NELL2: variants seen among roughly 807,000 people sequenced by gnomAD.
NELL2 encodes protein kinase C-binding protein NELL2.
NELL2 carries 41 observed loss-of-function variants against 109.6 expected under a neutral mutation model. The ratio of observed to expected loss-of-function variants is 0.37; its 90% CI spans 0.29 to 0.49. The LOEUF is 0.49. Among genes scored for constraint, NELL2 ranks in the 20% least tolerant of loss-of-function variants. The pLI, the probability that NELL2 is intolerant of heterozygous loss-of-function variation, is 0.98. For synonymous variants in NELL2, 355 were observed against 344.7 expected, an observed-to-expected ratio of 1.03 and a Z score of -0.33; for missense variants, 900 against 1,008.3, an observed-to-expected ratio of 0.89 and a Z score of 1.45.
chr12:44,912,639 T>C (rs954791582), intron 1 of NELL2, among the ~76,000 whole-genome samples: 6 of 152,176 alleles, frequency 3.9e-5, no homozygotes, highest in African/African-American at 1.4e-4. Context: ...ATTTATTTAT[T>C]CTTCCACCTA....
chr12:44,753,012 G>A (rs529989865), intron 9 of NELL2, among the ~76,000 whole-genome samples: 5 of 152,138 alleles, frequency 3.3e-5, no homozygotes, highest in East Asian at 1.9e-4. Context: ...ACCCTTGGAC[G>A]CTGCAACCCT....
At chr12:44,834,062 C>G (rs1259518867) in intron 2 of NELL2, among the ~76,000 whole-genome samples, 2 of 152,160 alleles carry the variant, frequency 1.3e-5, no homozygotes, top group African/African-American at 4.8e-5. Context: ...ATTTCCACCT[C>G]AATACCACAC....
intron 11 of NELL2, among the ~76,000 whole-genome samples, chr12:44,708,568 C>G (rs796905332): frequency 3.6e-4 from 55 of 152,232 alleles, no homozygotes; most frequent in African/African-American, 1.3e-3. Flanking sequence ...AAAATTTAAG[C>G]CTTGAAAACT....
intron 15 of NELL2, among the ~76,000 whole-genome samples, chr12:44,558,099 G>A (rs1374186197): frequency 1.3e-5 from 2 of 152,134 alleles, no homozygotes; most frequent in Non-Finnish European, 2.9e-5. Flanking sequence ...GGCTACGTTG[G>A]TATTTTGAGA....
intron 14 of NELL2, among the ~76,000 whole-genome samples, chr12:44,609,729 A>G (rs1324620587): frequency 6.6e-6 from 1 of 152,022 alleles, no homozygotes; most frequent in African/African-American, 2.4e-5. Flanking sequence ...TGGCCTACCC[A>G]TCTCTGGCTA....
intron 1 of NELL2, among the ~76,000 whole-genome samples, chr12:44,907,139 G>C (rs987696939): frequency 6.6e-6 from 1 of 152,080 alleles, no homozygotes; most frequent in Non-Finnish European, 1.5e-5. Context: ...TGCCATGATT[G>C]TAAGTTTCCT....
chr12:44,520,871 G>A (rs1941493956), intron 18 of NELL2, among the ~76,000 whole-genome samples: 1 of 152,114 alleles, frequency 6.6e-6, no homozygotes. Flanking sequence ...GAATCTCATG[G>A]TTTGGGAGAT....
At chr12:44,584,888 A>G (rs1291435769) in intron 15 of NELL2, among the ~76,000 whole-genome samples, 1 of 152,224 alleles carries the variant, frequency 6.6e-6, no homozygotes, top group African/African-American at 2.4e-5. Context: ...GGAGTTAGTC[A>G]TCACAGTGCT....
chr12:44,715,471 T>C (rs1045682524), intron 9 of NELL2, among the ~76,000 whole-genome samples: 30 of 151,908 alleles, frequency 2.0e-4, no homozygotes, highest in African/African-American at 7.3e-4. Flanking sequence ...ACAGAAATCA[T>C]TTCCTTGTTT....
At chr12:44,676,738 T>C (rs1025184303) in intron 12 of NELL2, among the ~76,000 whole-genome samples, 1 of 151,942 alleles carries the variant, frequency 6.6e-6, no homozygotes, top group African/African-American at 2.4e-5. Context: ...AATAGAGACA[T>C]GCACTAGGAA....
chr12:44,670,880 G>A (rs1453854846), intron 12 of NELL2, among the ~76,000 whole-genome samples: 1 of 152,024 alleles, frequency 6.6e-6, no homozygotes, highest in Non-Finnish European at 1.5e-5. Context: ...TTTTAGCACT[G>A]GGCAGATCAT....
At chr12:44,638,508 T>A (rs1329529597) in intron 13 of NELL2, among the ~76,000 whole-genome samples, 1 of 152,100 alleles carries the variant, frequency 6.6e-6, no homozygotes, top group Non-Finnish European at 1.5e-5. Context: ...TTAGGGAAAA[T>A]ACACATGCAA....
Position 44,750,314 on chromosome 12 carries a change from A to C in NELL2, c.994+24433T>G, listed in dbSNP as rs542520415. ...CTAGCAGGTAGACAGATAGGAAGGT[A>C]CATTCTTTTAAAATTACATGTTAGG... On this transcript the variant is annotated intron_variant, in intron 9 of 19. Transcript: ENST00000429094. 1.1e-4 allele frequency among the ~76,000 whole-genome samples: 16 copies of C among 152,318 alleles called. 1 individual carries two copies. The highest frequency in any genetic ancestry group is 3.4e-4 in the African/African-American group (14 of 41,582).
chr12:44,848,749 A>G (rs1944448265), intron 2 of NELL2, among the ~76,000 whole-genome samples: 1 of 152,202 alleles, frequency 6.6e-6, no homozygotes, highest in African/African-American at 2.4e-5. Flanking sequence ...CTTCACATCT[A>G]AAAAGAGCTC....
chr12:44,652,009 T>G (rs1947317281), intron 13 of NELL2, among the ~76,000 whole-genome samples: 1 of 152,128 alleles, frequency 6.6e-6, no homozygotes, highest in African/African-American at 2.4e-5. Flanking sequence ...TGACAAAATA[T>G]TTTGAATTTT....
chr12:44,798,382 A>C (rs1942707379), intron 3 of NELL2, among the ~76,000 whole-genome samples: 1 of 152,084 alleles, frequency 6.6e-6, no homozygotes, highest in South Asian at 2.1e-4. Flanking sequence ...ATAAAATATC[A>C]ATGTGCAAGA....
chr12:44,610,946 T>G lies in NELL2; in HGVS notation c.1469A>C (p.Gln490Pro). The stretch of plus-strand genomic sequence containing the variant: ...TAAAGCATTTTCATCACAGTTGTGC[T>G]GATTTGTGATACACTCATCATGTTC... ...CTEHDECITN[Q>P]HNCDENALCF... Residue 490 changes from glutamine to proline, a missense_variant, in exon 14 of 20, where the codon CAG becomes CCG. This residue lies in a region of NELL2 where 333 missense variants were observed against 432.3 expected (regional missense o/e 0.77). Coordinates refer to ENST00000429094, the MANE Select transcript of NELL2 (RefSeq NM_001145108.2). 6.2e-7 allele frequency: 1 copy of G among 1,612,884 alleles called. No individual in the cohort carries two copies. Among genetic ancestry groups the G allele is most frequent in the Non-Finnish European group, 8.5e-7 (1 of 1,179,174 alleles).
At chr12:44,780,393 G>C (rs1941913508) in intron 3 of NELL2, among the ~76,000 whole-genome samples, 1 of 151,952 alleles carries the variant, frequency 6.6e-6, no homozygotes, top group Non-Finnish European at 1.5e-5. Flanking sequence ...GAAACTGCTA[G>C]ATAATAATCT....
intron 1 of NELL2, among the ~76,000 whole-genome samples, chr12:44,897,311 A>G (rs1945603948): frequency 6.6e-6 from 1 of 152,116 alleles, no homozygotes; most frequent in Non-Finnish European, 1.5e-5. Context: ...AAAATTCAGT[A>G]TCTTGGACTC....
Sources: allele counts gnomAD v4.1 joint callset (sites outside exome capture counted in the v4.1 genomes callset), GRCh38; gene constraint gnomAD v4.1.1; regional missense constraint gnomAD v4.1.1; transcripts MANE v1.5; gene names NCBI Gene and HGNC (gene_info 2026-07-23, HGNC 2026-07-21).